SPEG: variants seen among roughly 807,000 people sequenced by gnomAD.
The protein encoded by SPEG is striated muscle preferentially expressed protein kinase.
SPEG carries 114 observed loss-of-function variants against 300.4 expected under a neutral mutation model. The ratio of observed to expected loss-of-function variants is 0.38; its 90% confidence interval spans 0.33 to 0.44. The LOEUF (loss-of-function observed/expected upper bound fraction) is 0.44, where lower values mean the gene tolerates loss of function less well. Ranked by LOEUF, SPEG falls within the 20% of genes least tolerant of loss-of-function variation. The probability of loss-of-function intolerance (pLI) is 1.00; values close to 1 mark genes in which losing one functional copy is unlikely to be tolerated. For missense variants in SPEG, 4,201 were observed against 4,586.2 expected (o/e 0.92, Z 2.43); for synonymous variants, 1,964 against 2,018.9 (o/e 0.97, Z 0.73).
rs1397294260 is a variant in SPEG at position 219,443,696 on chromosome 2, G to T, written c.389-957G>T. On this transcript the variant is annotated intron_variant, in intron 1 of 40. Coordinates refer to ENST00000312358, the MANE Select transcript of SPEG (RefSeq NM_005876.5). This position sits in a 1 kb window ranked among gnomAD's most constrained non-coding sequence, Gnocchi z 4.6. ...AAATATTGTAATAGAGGGTGGGCCT[G>T]ACTCCTAATGGGAGGCCCAGGTCTG... 6.0e-6 allele frequency: 2 copies of T among 333,662 alleles called. No individual in the cohort carries two copies. The highest frequency in any genetic ancestry group is 4.3e-5 in the African/African-American group (2 of 46,382). The allele number at this position is 333,662 out of a possible 1,614,324, so 20.7% of individuals were successfully genotyped here.
chr2:219,440,749 C>T (rs1365761661), intron 1 of SPEG, among the ~76,000 whole-genome samples: 2 of 152,184 alleles, frequency 1.3e-5, no homozygotes, highest in Non-Finnish European at 2.9e-5. Context: ...GCCATGTGAC[C>T]TTGGGCAAGT....
chr2:219,476,866 T>A lies in SPEG; in HGVS notation c.4448-4T>A. The A allele has an allele frequency of 6.2e-7, 1 of 1,612,772 alleles. No homozygotes were observed. The highest frequency in any genetic ancestry group is 1.1e-5 in the South Asian group (1 of 91,044). On this transcript the variant is annotated splice_polypyrimidine_tract_variant and splice_region_variant and intron_variant, in intron 18 of 40. Coordinates refer to ENST00000312358, the MANE Select transcript of SPEG (RefSeq NM_005876.5). ...CTTCCCACCCCTATCCCCATGTGTT[T>A]CAGAGGCCCCTCGGTTTGAGTCCAT...
intron 18 of SPEG, among the ~76,000 whole-genome samples, chr2:219,476,300 A>C (rs925830627): frequency 1.3e-5 from 2 of 152,178 alleles, no homozygotes; most frequent in African/African-American, 4.8e-5. Context: ...CATTTTTCAA[A>C]GATTCAGTGA....
chr2:219,462,043 C>A lies in SPEG; in HGVS notation c.2602C>A (p.Pro868Thr). ...RRSSDTGSKA[P>T]PTFKVSLMDQ... ...TTCTTCTGACACTGGCTCCAAGGCA[C>A]CCCCCACCTTCAAGGTCAGACCCCT... Residue 868 changes from proline (P) to threonine (T), a missense_variant, in exon 7 of 41, where the codon CCC becomes ACC. Pro to Thr is a conservative substitution (Grantham distance 38). Coordinates refer to ENST00000312358, the MANE Select transcript of SPEG (RefSeq NM_005876.5). 1 of 1,602,594 alleles carries A rather than the reference C, an allele frequency of 6.2e-7. No individual in the cohort carries two copies. Among genetic ancestry groups the A allele is most frequent in the Non-Finnish European group, 8.5e-7 (1 of 1,175,966 alleles).
In SPEG at chr2:219,448,815, G is replaced by T. The variant is rs1313788403; in HGVS notation, c.1657G>T (p.Ala553Ser). ...KTSRAVSPAA[A>S]QPPSPSSAEK... ...ATCGCGGGCCGTGAGCCCCGCCGCC[G>T]CCCAGCCGCCCTCTCCGAGCAGCGC... is the stretch of plus-strand genomic sequence containing the variant. Residue 553 changes from alanine to serine, a missense_variant, in exon 4 of 41, where the codon GCC becomes TCC. Transcript: ENST00000312358. 2.9e-6 allele frequency: 4 copies of T among 1,399,540 alleles called. 1 individual carries two copies. The highest frequency in any genetic ancestry group is 3.7e-6 in the Non-Finnish European group (4 of 1,085,264). The allele number at this position is 1,399,540 out of a possible 1,614,324, so 86.7% of individuals were successfully genotyped here. A position where few individuals can be genotyped will look rare whatever the true frequency, so the allele number is the denominator to read the frequency against.
Position 219,467,372 on chromosome 2 carries a change from T to C in SPEG, c.3080T>C (p.Leu1027Pro), listed in dbSNP as rs1691465457. The change falls in exon 10 of 41, where the codon CTA becomes CCA. Residue 1027 changes from leucine to proline, a missense_variant. By Grantham distance (98) the Leu-to-Pro change is moderately conservative. Coordinates refer to ENST00000312358, the MANE Select transcript of SPEG (RefSeq NM_005876.5). ...MHFDGRKCKL[L>P]LTSVHEDDSG... ...TTCGATGGCCGCAAATGCAAGCTGC[T>C]ACTTACATCTGTACATGAGGACGAC... The C allele has an allele frequency of 1.2e-6, 2 of 1,612,454 alleles. No individual in the cohort carries two copies. Among genetic ancestry groups the C allele is most frequent in the African/African-American group, 1.3e-5 (1 of 74,940 alleles).
At chr2:219,437,828 G>A (rs890714904) in intron 1 of SPEG, among the ~76,000 whole-genome samples, 15 of 152,202 alleles carry the variant, frequency 9.9e-5, no homozygotes, top group African/African-American at 3.1e-4. Flanking sequence ...CAGGGCAGCC[G>A]GGCAAGCAGC....
At position 219,489,714 on chromosome 2, in the gene SPEG, C is replaced by T. The variant is rs1685310; in HGVS notation, c.8696C>T (p.Pro2899Leu). The change falls in exon 36 of 41, where the codon CCT (proline) becomes CTT (leucine). Residue 2899 changes from proline (P) to leucine (L), a missense_variant. Physicochemically the swap from Pro to Leu is moderately conservative, Grantham distance 98 (BLOSUM62 -3). Transcript: ENST00000312358. ...GTTAAACCAGTGTCTTCCTCTACTC[C>T]TGTGTATGTGGTGACTTCCTTTGTG... Reference protein sequence around the residue: ...QGVKPVSSSTPVYVVTSFVSA... With the variant: ...QGVKPVSSSTLVYVVTSFVSA... 1.9e-6 allele frequency: 3 copies of T among 1,614,088 alleles called. No homozygotes were observed. The South Asian group carries it at 3.3e-5, about 18-fold the overall frequency.
In SPEG at chr2:219,460,029, A is replaced by G. The variant is rs570094000; in HGVS notation, c.2441-1853A>G. On this transcript the variant is annotated intron_variant, in intron 6 of 40. Coordinates refer to ENST00000312358, the MANE Select transcript of SPEG (RefSeq NM_005876.5). Reference sequence around the variant, plus strand: ...TGTGTCCAAACCCTTTCCCCATCCCAGATACAAATGGGTTCTCATGATAAG... The same window carrying G: ...TGTGTCCAAACCCTTTCCCCATCCCGGATACAAATGGGTTCTCATGATAAG... Among the ~76,000 whole-genome samples, 6 of 152,324 alleles carry G rather than the reference A, an allele frequency of 3.9e-5. No homozygotes were observed. The South Asian group carries it at 1.0e-3, about 26-fold the overall frequency.
At chr2:219,470,665 T>C (rs954688871) in intron 13 of SPEG, among the ~76,000 whole-genome samples, 1 of 152,162 alleles carries the variant, frequency 6.6e-6, no homozygotes, top group African/African-American at 2.4e-5. Context: ...AGGAGGACAG[T>C]GCAGGCCTCC....
chr2:219,461,260 C>A, intron 6 of SPEG: 1 of 985,884 alleles, frequency 1.0e-6, no homozygotes, highest in Non-Finnish European at 1.2e-6. Flanking sequence ...TCCTATCCCT[C>A]GAGCGTTTGG....
chr2:219,485,074 T>G lies in SPEG; in HGVS notation c.7609+2T>G. 6.5e-7 allele frequency: 1 copy of G among 1,529,008 alleles called. No homozygotes were observed. Among genetic ancestry groups the G allele is most frequent in the East Asian group, 2.5e-5 (1 of 40,374 alleles). 94.7% of individuals were successfully genotyped at this position (1,529,008 alleles called of 1,614,324 possible). Reference sequence around the variant, plus strand: ...CCAGCGCCACGTCGGGCTCCTCAGGTGAGGAGGGGCAGGGGTAGGGCAGCA... The same window carrying G: ...CCAGCGCCACGTCGGGCTCCTCAGGGGAGGAGGGGCAGGGGTAGGGCAGCA... On this transcript the variant is annotated splice_donor_variant, in intron 30 of 40. Coordinates refer to ENST00000312358, the MANE Select transcript of SPEG (RefSeq NM_005876.5). LOFTEE classifies it high-confidence loss of function.
intron 6 of SPEG, chr2:219,460,195 A>T: frequency 1.6e-6 from 1 of 633,868 alleles, no homozygotes; most frequent in Non-Finnish European, 2.0e-6. Context: ...TGCTGGCCAG[A>T]CCTTCCATGG....
intron 4 of SPEG, among the ~76,000 whole-genome samples, chr2:219,450,054 T>G (rs563091776): frequency 2.0e-5 from 3 of 152,222 alleles, no homozygotes; most frequent in African/African-American, 4.8e-5. Flanking sequence ...CTCTACCTGC[T>G]GCTCCTGGGA....
chr2:219,488,345 C>A, intron 32 of SPEG, 35 bp downstream of exon 32: 1 of 1,554,994 alleles, frequency 6.4e-7, no homozygotes, highest in Non-Finnish European at 8.8e-7. Flanking sequence ...AGAGGGAGGC[C>A]AGCAAGTGGC....
intron 4 of SPEG, chr2:219,450,853 CT>C: frequency 3.0e-6 from 1 of 331,446 alleles, no homozygotes; most frequent in African/African-American, 2.1e-5. Flanking sequence ...GCAGTCCTGT[CT>C]TTCTCCAGAA....
At chr2:219,462,218 C>A in intron 7 of SPEG, 80 bp from the exon 8 acceptor site, 1 of 1,305,242 alleles carries the variant, frequency 7.7e-7, no homozygotes, top group Non-Finnish European at 1.1e-6. Context: ...GTGGAAGAGT[C>A]CTCCGTCTCA....
chr2:219,488,386 C>T (rs993559971), intron 32 of SPEG, 76 bp downstream of exon 32: 32 of 1,492,408 alleles, frequency 2.1e-5, no homozygotes, highest in South Asian at 1.1e-4. Flanking sequence ...GGGGCTAGGC[C>T]GGAGTGGGGA....
Position 219,448,849 on chromosome 2 carries a change from C to T in SPEG, c.1691C>T (p.Pro564Leu). ...CCCTCTCCGAGCAGCGCGGAGAAGC[C>T]GGGGGACGAGCCTGGGAGGCCCAGG... Reference protein sequence around the residue: ...QPPSPSSAEKPGDEPGRPRSR... With the variant: ...QPPSPSSAEKLGDEPGRPRSR... The change falls in exon 4 of 41, where the codon CCG becomes CTG. Residue 564 changes from proline to leucine, a missense_variant. This residue lies in a region of SPEG where 1,258 missense variants were observed against 1,293.9 expected (regional missense o/e 0.97). Transcript: ENST00000312358. The T allele has an allele frequency of 7.1e-7, 1 of 1,401,062 alleles. No individual in the cohort carries two copies. Among genetic ancestry groups the T allele is most frequent in the Non-Finnish European group, 9.2e-7 (1 of 1,085,970 alleles). The allele number at this position is 1,401,062 out of a possible 1,614,324, so 86.8% of individuals were successfully genotyped here.
Sources: gnomAD v4.1 joint callset for allele counts (sites outside exome capture counted in the v4.1 genomes callset) on GRCh38, gnomAD v4.1.1 for gene constraint, gnomAD v4.1.1 regional missense constraint, Gnocchi (gnomAD v3.1) non-coding constraint, MANE v1.5 for transcripts, NCBI Gene and HGNC (gene_info 2026-07-23, HGNC 2026-07-21) for gene names.